PSPC1: variants seen among roughly 807,000 people sequenced by gnomAD.
PSPC1 encodes the protein paraspeckle component 1.
A neutral mutation model predicts 51.6 loss-of-function variants in PSPC1; 14 were observed. The observed-to-expected ratio is 0.27, with a 90% CI of 0.18 to 0.42. PSPC1 has a LOEUF of 0.42. Ranked by LOEUF, PSPC1 falls within the 10% of genes least tolerant of loss-of-function variation. The probability of loss-of-function intolerance (pLI) is 1.00; values close to 1 mark genes in which losing one functional copy is unlikely to be tolerated. For missense variants in PSPC1, 406 were observed against 701.1 expected, an observed-to-expected ratio of 0.58 and a Z score of 4.75; for synonymous variants, 193 against 231.9, an observed-to-expected ratio of 0.83 and a Z score of 1.53.
At chr13:19,722,272 G>A (rs1228401466) in intron 6 of PSPC1, among the ~76,000 whole-genome samples, 1 of 151,908 alleles carries the variant, frequency 6.6e-6, no homozygotes, top group Admixed American at 6.6e-5. Context: ...AGAGGCAGGA[G>A]GATTGCTTTA....
chr13:19,742,631 C>T (rs557164105), intron 4 of PSPC1, among the ~76,000 whole-genome samples: 2 of 152,234 alleles, frequency 1.3e-5, no homozygotes, highest in East Asian at 1.9e-4. Flanking sequence ...TCCAGCTACT[C>T]GGGAGATTGA....
chr13:19,700,606 C>A (rs186226626), downstream of PSPC1, among the ~76,000 whole-genome samples: 126 of 152,034 alleles, frequency 8.3e-4, 1 homozygote, highest in Non-Finnish European at 1.6e-3. Flanking sequence ...ACATAGAGTA[C>A]TAGAATAAAA....
intron 3 of PSPC1, among the ~76,000 whole-genome samples, chr13:19,756,106 G>A (rs1214277495): frequency 1.3e-5 from 2 of 151,900 alleles, no homozygotes; most frequent in Admixed American, 6.6e-5. Context: ...GTGTGGTGGT[G>A]CACGCCTGTA....
intron 5 of PSPC1, 136 bp from the exon 6 acceptor site, chr13:19,730,480 A>C: frequency 1.4e-6 from 1 of 709,264 alleles, no homozygotes; most frequent in Non-Finnish European, 2.4e-6. Context: ...ACGGCATCCT[A>C]AATTTACCTT....
intron 7 of PSPC1, among the ~76,000 whole-genome samples, chr13:19,676,200 C>T (rs946630973): frequency 1.3e-5 from 2 of 152,020 alleles, no homozygotes; most frequent in Admixed American, 6.6e-5. Context: ...ATATGAGATT[C>T]GTTCTTTGGA....
intron 2 of PSPC1, among the ~76,000 whole-genome samples, chr13:19,764,667 G>A (rs896137425): frequency 1.2e-5 from 1 of 85,052 alleles, no homozygotes; most frequent in African/African-American, 4.3e-5. Context: ...ACCTGGGTAA[G>A]AGCAGAACTT....
At chr13:19,701,148 T>G (rs1471612670), downstream of PSPC1, among the ~76,000 whole-genome samples, 1 of 151,914 alleles carries the variant, frequency 6.6e-6, no homozygotes, top group African/African-American at 2.4e-5. Context: ...GATTAAGACA[T>G]CTTTTTGTGC....
At chr13:19,694,652 T>A (rs1353950982) in intron 6 of PSPC1, among the ~76,000 whole-genome samples, 1 of 152,222 alleles carries the variant, frequency 6.6e-6, no homozygotes, top group Non-Finnish European at 1.5e-5. Context: ...CTTAATATTC[T>A]ATCAATAACT....
intron 6 of PSPC1, among the ~76,000 whole-genome samples, chr13:19,716,842 T>G (rs1004551934): frequency 2.0e-5 from 3 of 152,170 alleles, no homozygotes; most frequent in African/African-American, 7.2e-5. Flanking sequence ...TAAAGAAGGT[T>G]ACATAACAGA....
At chr13:19,726,051 A>T (rs1459494249) in intron 6 of PSPC1, among the ~76,000 whole-genome samples, 1 of 152,154 alleles carries the variant, frequency 6.6e-6, no homozygotes, top group African/African-American at 2.4e-5. Context: ...GCTACTTGGG[A>T]GGCTGAGGCA....
intron 6 of PSPC1, among the ~76,000 whole-genome samples, chr13:19,692,883 G>A (rs117184275): frequency 4.2e-3 from 639 of 152,262 alleles, no homozygotes; most frequent in Middle Eastern, 6.8e-3. Context: ...TCAATGTAGG[G>A]AGGCTGGGGC....
chr13:19,678,869 G>A (rs1396733311), intron 6 of PSPC1: 1 of 152,194 alleles, frequency 6.6e-6, no homozygotes, highest in African/African-American at 2.4e-5. Flanking sequence ...CAATCCTCCT[G>A]TCTCAGTCTC....
chr13:19,759,643 T>C (rs1188060978), intron 2 of PSPC1, among the ~76,000 whole-genome samples: 6 of 151,814 alleles, frequency 4.0e-5, no homozygotes, highest in Non-Finnish European at 8.8e-5. Context: ...GGCACATCAT[T>C]TGAGGTCAGG....
intron 3 of PSPC1, among the ~76,000 whole-genome samples, chr13:19,758,298 G>C (rs1230909878): frequency 1.3e-5 from 2 of 150,716 alleles, no homozygotes; most frequent in Non-Finnish European, 3.0e-5. Context: ...GGGCAACAGA[G>C]TGAGACTCCG....
intron 6 of PSPC1, among the ~76,000 whole-genome samples, chr13:19,720,057 T>C (rs895948523): frequency 3.3e-5 from 5 of 152,332 alleles, no homozygotes; most frequent in African/African-American, 1.2e-4. Context: ...AAACTCACTC[T>C]GAAGAGGTGC....
chr13:19,745,340 C>T (rs1885856763), intron 4 of PSPC1, among the ~76,000 whole-genome samples: 1 of 151,984 alleles, frequency 6.6e-6, no homozygotes. Flanking sequence ...AATTAAAATG[C>T]TGTCCTAACA....
At chr13:19,764,056 T>C (rs1887831448) in intron 2 of PSPC1, among the ~76,000 whole-genome samples, 1 of 152,076 alleles carries the variant, frequency 6.6e-6, no homozygotes, top group African/African-American at 2.4e-5. Context: ...GAAAAAGTAT[T>C]TCAGTGTTCT....
intron 5 of PSPC1, among the ~76,000 whole-genome samples, chr13:19,735,685 T>G (rs1405804649): frequency 6.6e-6 from 1 of 152,188 alleles, no homozygotes; most frequent in Non-Finnish European, 1.5e-5. Flanking sequence ...CTATCTTACT[T>G]GGCAGCAGCC....
chr13:19,782,276 G>A lies in PSPC1; in HGVS notation c.372+110C>T. The A allele has an allele frequency of 2.1e-6, 3 of 1,413,720 alleles. No homozygotes were observed. Among genetic ancestry groups the A allele is most frequent in the Non-Finnish European group, 2.8e-6 (3 of 1,082,334 alleles). The allele number at this position is 1,413,720 out of a possible 1,614,324, so 87.6% of individuals were successfully genotyped here. A position where few individuals can be genotyped will look rare whatever the true frequency, so the allele number is the denominator to read the frequency against. On this transcript the variant is annotated intron_variant, in intron 1 of 8. Coordinates refer to ENST00000338910, the MANE Select transcript of PSPC1 (RefSeq NM_001354909.2). The surrounding 1 kb of genome is among the most constrained non-coding windows in gnomAD (Gnocchi z 4.5). The stretch of plus-strand genomic sequence containing the variant: ...AATCGATGAGGCCGAGCGGCGCCAC[G>A]GTTGCCACAGGTTGAGACAGCGTCC...
Sources: gnomAD v4.1 joint callset for allele counts (sites outside exome capture counted in the v4.1 genomes callset) on GRCh38, gnomAD v4.1.1 for gene constraint, Gnocchi (gnomAD v3.1) non-coding constraint, MANE v1.5 for transcripts, NCBI Gene and HGNC (gene_info 2026-07-23, HGNC 2026-07-21) for gene names.